Variants in SCML4 observed in about 807,000 individuals in gnomAD.
SCML4 encodes sex comb on midleg-like protein 4.
A neutral mutation model predicts 41.1 loss-of-function variants in SCML4; 34 were observed. The observed-to-expected ratio is 0.83, with a 90% CI of 0.63 to 1.10. SCML4 has a LOEUF of 1.10. Ranked by LOEUF, SCML4 falls within the 50% of genes least tolerant of loss-of-function variation. The probability of loss-of-function intolerance (pLI) is 0.00; values close to 1 mark genes in which losing one functional copy is unlikely to be tolerated. For synonymous variants in SCML4, 214 were observed against 220.9 expected, an observed-to-expected ratio of 0.97 and a Z score of 0.28; for missense variants, 522 against 534.1, an observed-to-expected ratio of 0.98 and a Z score of 0.22.
At chr6:107,785,923 C>T (rs1781854900) in intron 1 of SCML4, among the ~76,000 whole-genome samples, 1 of 152,142 alleles carries the variant, frequency 6.6e-6, no homozygotes, top group Non-Finnish European at 1.5e-5. Context: ...TCCTCCGCAC[C>T]TCACCCTCAC....
intron 1 of SCML4, among the ~76,000 whole-genome samples, chr6:107,808,129 G>C (rs1783878185): frequency 6.6e-6 from 1 of 152,118 alleles, no homozygotes; most frequent in Non-Finnish European, 1.5e-5. Flanking sequence ...TCCTCTGCAG[G>C]GGATGGGATG....
At chr6:107,729,524 G>C (rs1228194811) in intron 5 of SCML4, among the ~76,000 whole-genome samples, 2 of 152,076 alleles carry the variant, frequency 1.3e-5, no homozygotes. Context: ...TTCCAAAAAG[G>C]GTTCCAGATA....
chr6:107,766,604 A>G (rs1181135839), intron 2 of SCML4, among the ~76,000 whole-genome samples: 3 of 152,224 alleles, frequency 2.0e-5, no homozygotes, highest in Admixed American at 2.0e-4. Flanking sequence ...GAAAATAACA[A>G]CTAACATTCA....
At chr6:107,812,640 G>C (rs79289955) in intron 1 of SCML4, among the ~76,000 whole-genome samples, 5 of 152,144 alleles carry the variant, frequency 3.3e-5, no homozygotes, top group African/African-American at 1.2e-4. Context: ...CTGACCCTCC[G>C]TGGGGTAAGA....
intron 6 of SCML4, among the ~76,000 whole-genome samples, chr6:107,709,019 G>A (rs1037962853): frequency 3.3e-5 from 5 of 152,060 alleles, no homozygotes; most frequent in Admixed American, 2.0e-4. Flanking sequence ...TGCCTCTGAT[G>A]CTGATGCCCT....
chr6:107,795,334 G>T (rs568217967), intron 1 of SCML4, among the ~76,000 whole-genome samples: 2 of 151,726 alleles, frequency 1.3e-5, no homozygotes, highest in African/African-American at 4.8e-5. Context: ...CTGCTAATTT[G>T]TGCAACTAAA....
At chr6:107,782,889 C>G (rs71556484) in intron 1 of SCML4, among the ~76,000 whole-genome samples, 23 of 2,296 alleles carry the variant, frequency 0.01, no homozygotes, top group African/African-American at 0.052. Flanking sequence ...TGCCTGATGG[C>G]AGGTGCTGGT....
intron 6 of SCML4, among the ~76,000 whole-genome samples, chr6:107,718,227 G>A (rs897800956): frequency 1.3e-5 from 2 of 152,212 alleles, no homozygotes; most frequent in Non-Finnish European, 2.9e-5. Flanking sequence ...ATTGAATCAT[G>A]GGTTTGGTTC....
At chr6:107,706,958 C>T (rs1320283287) in intron 7 of SCML4, among the ~76,000 whole-genome samples, 1 of 152,156 alleles carries the variant, frequency 6.6e-6, no homozygotes, top group Non-Finnish European at 1.5e-5. Context: ...CCATGCCAGG[C>T]TCCTGATCCC....
At chr6:107,766,062 A>G (rs1363907209) in intron 2 of SCML4, among the ~76,000 whole-genome samples, 1 of 152,192 alleles carries the variant, frequency 6.6e-6, no homozygotes, top group Non-Finnish European at 1.5e-5. Flanking sequence ...AGGCAGAAGG[A>G]CTGCTTGAGG....
intron 1 of SCML4, among the ~76,000 whole-genome samples, chr6:107,802,580 G>GAGGAAGGACGGAAGGAAGGAAGGA (rs1554222237): frequency 1.6e-4 from 6 of 36,462 alleles, no homozygotes; most frequent in African/African-American, 4.9e-4. Context: ...GGGAGGGAGG[G>GAGGAAGGACGGAAGGAAGGAAGGA]AGGAAGGAAG....
intron 1 of SCML4, among the ~76,000 whole-genome samples, chr6:107,811,940 A>G (rs572638853): frequency 1.3e-5 from 2 of 152,316 alleles, no homozygotes; most frequent in South Asian, 4.1e-4. Flanking sequence ...CTGTGTCACC[A>G]CTGAGCCAGA....
chr6:107,723,712 A>G (rs1775662376), intron 5 of SCML4, among the ~76,000 whole-genome samples: 1 of 152,230 alleles, frequency 6.6e-6, no homozygotes, highest in Non-Finnish European at 1.5e-5. Flanking sequence ...GTTGAATTCT[A>G]CCAAACATTT....
At chr6:107,821,028 C>A (rs1784911212) in intron 1 of SCML4, among the ~76,000 whole-genome samples, 1 of 152,182 alleles carries the variant, frequency 6.6e-6, no homozygotes, top group African/African-American at 2.4e-5. Flanking sequence ...TGCCAAAAGA[C>A]CAATTGTTAA....
chr6:107,784,820 G>A (rs1781760773), intron 1 of SCML4, among the ~76,000 whole-genome samples: 1 of 152,228 alleles, frequency 6.6e-6, no homozygotes, highest in Non-Finnish European at 1.5e-5. Flanking sequence ...TGTGGGGGCT[G>A]CACTCATCAC....
At chr6:107,752,807 C>T (rs116287889) in intron 2 of SCML4, among the ~76,000 whole-genome samples, 2,753 of 151,496 alleles carry the variant, frequency 0.018, 66 homozygotes, top group African/African-American at 0.063. Context: ...GGTGGGGAGA[C>T]AATAAATGAA....
intron 1 of SCML4, among the ~76,000 whole-genome samples, chr6:107,795,442 G>C (rs897698252): frequency 3.3e-5 from 5 of 152,152 alleles, no homozygotes; most frequent in African/African-American, 1.2e-4. Flanking sequence ...TAAAAGTACA[G>C]TTTGAGTTTT....
intron 4 of SCML4, chr6:107,746,448 G>GTGGGAAT: frequency 4.5e-6 from 2 of 443,858 alleles, no homozygotes; most frequent in East Asian, 7.0e-5. Flanking sequence ...GAAGTGGGAA[G>GTGGGAAT]TGGGAGAAGG....
chr6:107,808,272 G>A (rs567384403), intron 1 of SCML4, among the ~76,000 whole-genome samples: 23 of 152,222 alleles, frequency 1.5e-4, no homozygotes, highest in African/African-American at 3.4e-4. Context: ...AAAACCTTCC[G>A]TCTTCCTCCT....
Sources: allele counts gnomAD v4.1 joint callset (sites outside exome capture counted in the v4.1 genomes callset), GRCh38; gene constraint gnomAD v4.1.1; transcripts MANE v1.5; gene names NCBI Gene and HGNC (gene_info 2026-07-23, HGNC 2026-07-21).